EYS: variants seen among roughly 807,000 people sequenced by gnomAD.
EYS encodes the protein EGF-like photoreceptor maintenance factor.
A neutral mutation model predicts 282.1 loss-of-function variants in EYS; 250 were observed. That is an observed-to-expected ratio of 0.89 (90% confidence interval 0.80 to 0.98). The LOEUF (loss-of-function observed/expected upper bound fraction) is 0.98. Ranked by LOEUF, EYS falls within the 50% of genes least tolerant of loss-of-function variation. The pLI is 0.00. For synonymous variants in EYS, 1,355 were observed against 1,282.9 expected (o/e 1.06, Z -1.20); for missense variants, 4,016 against 3,709.0 (o/e 1.08, Z -2.15).
intron 36 of EYS, among the ~76,000 whole-genome samples, chr6:63,830,756 C>T (rs186821174): frequency 6.6e-6 from 1 of 152,266 alleles, no homozygotes; most frequent in Non-Finnish European, 1.5e-5. Context: ...CTCCAAGACA[C>T]ATAATTGTCA....
chr6:65,375,756 C>T (rs547036644), intron 8 of EYS, among the ~76,000 whole-genome samples: 2 of 151,862 alleles, frequency 1.3e-5, no homozygotes, highest in African/African-American at 4.8e-5. Context: ...AGCTGAGTTG[C>T]TCAAGCAGAA....
chr6:63,740,256 G>T (rs569171435), intron 41 of EYS, among the ~76,000 whole-genome samples: 26 of 152,224 alleles, frequency 1.7e-4, no homozygotes, highest in Non-Finnish European at 3.5e-4. Context: ...TCTTTCCTGT[G>T]CTGTTCTGAT....
At chr6:64,408,541 G>C (rs1253408485) in intron 28 of EYS, among the ~76,000 whole-genome samples, 1 of 152,180 alleles carries the variant, frequency 6.6e-6, no homozygotes, top group Non-Finnish European at 1.5e-5. Context: ...CTGGGGTACA[G>C]GGATAGTATA....
intron 29 of EYS, among the ~76,000 whole-genome samples, chr6:64,320,990 C>T (rs1582594152): frequency 6.6e-6 from 1 of 151,780 alleles, no homozygotes; most frequent in East Asian, 1.9e-4. Flanking sequence ...GTACCAAACC[C>T]TTACTATTAC....
chr6:64,516,383 C>T (rs1777560414), intron 26 of EYS, among the ~76,000 whole-genome samples: 1 of 151,674 alleles, frequency 6.6e-6, no homozygotes. Context: ...ATAATCTCTA[C>T]AAAAAACAGC....
At chr6:64,982,748 T>C (rs1446823596) in intron 14 of EYS, among the ~76,000 whole-genome samples, 1 of 151,224 alleles carries the variant, frequency 6.6e-6, no homozygotes, top group Non-Finnish European at 1.5e-5. Context: ...TTGATAGATA[T>C]CAGAAAATAT....
At chr6:64,627,771 A>C (rs2149858145) in intron 22 of EYS, among the ~76,000 whole-genome samples, 1 of 152,266 alleles carries the variant, frequency 6.6e-6, no homozygotes, top group South Asian at 2.1e-4. Flanking sequence ...GACTTTCTTG[A>C]CCAACAAACA....
At chr6:64,830,311 A>G (rs1765177036) in intron 19 of EYS, among the ~76,000 whole-genome samples, 1 of 151,988 alleles carries the variant, frequency 6.6e-6, no homozygotes, top group Non-Finnish European at 1.5e-5. Context: ...GGATTTTGTG[A>G]TAGAAGCTCA....
intron 14 of EYS, among the ~76,000 whole-genome samples, chr6:64,986,725 C>A (rs970500996): frequency 8.8e-6 from 1 of 114,014 alleles, no homozygotes; most frequent in East Asian, 2.9e-4. Flanking sequence ...TATTTCTTCA[C>A]CATTTCATAC....
At chr6:64,817,218 T>C (rs1764763568) in intron 21 of EYS, among the ~76,000 whole-genome samples, 1 of 152,086 alleles carries the variant, frequency 6.6e-6, no homozygotes, top group African/African-American at 2.4e-5. Context: ...TCATTTAATT[T>C]CAAATAAAAA....
intron 26 of EYS, among the ~76,000 whole-genome samples, chr6:64,582,949 T>C (rs1197816067): frequency 6.6e-6 from 1 of 152,130 alleles, no homozygotes; most frequent in African/African-American, 2.4e-5. Flanking sequence ...CAGATACAGT[T>C]GGCCCTGTAG....
chr6:64,675,707 C>T (rs902758425), intron 22 of EYS, among the ~76,000 whole-genome samples: 2 of 151,876 alleles, frequency 1.3e-5, no homozygotes, highest in South Asian at 2.1e-4. Flanking sequence ...GGATTACAGG[C>T]ATGAGCCACC....
At chr6:63,884,928 ATCT>A (rs1485128475) in intron 35 of EYS, among the ~76,000 whole-genome samples, 1 of 152,082 alleles carries the variant, frequency 6.6e-6, no homozygotes, top group African/African-American at 2.4e-5. Context: ...CGCTATCTTA[ATCT>A]TCTTTGCATT....
chr6:65,373,335 A>G (rs1255398299), intron 8 of EYS, among the ~76,000 whole-genome samples: 1 of 152,246 alleles, frequency 6.6e-6, no homozygotes, highest in Non-Finnish European at 1.5e-5. Flanking sequence ...TTTCATGTTA[A>G]ATGCTAAATG....
intron 22 of EYS, among the ~76,000 whole-genome samples, chr6:64,699,745 C>T (rs1770715558): frequency 6.6e-6 from 1 of 152,014 alleles, no homozygotes; most frequent in Non-Finnish European, 1.5e-5. Flanking sequence ...GTCAAATTCA[C>T]AGATGAATTC....
chr6:65,287,614 T>A (rs556039546), intron 12 of EYS, among the ~76,000 whole-genome samples: 1 of 151,316 alleles, frequency 6.6e-6, no homozygotes, highest in Non-Finnish European at 1.5e-5. Flanking sequence ...AGAAACCAAT[T>A]TAGAATTAAA....
intron 1 of EYS, among the ~76,000 whole-genome samples, chr6:65,674,743 A>G (rs1768516906): frequency 6.6e-6 from 1 of 152,056 alleles, no homozygotes; most frequent in Admixed American, 6.6e-5. Context: ...GGAGTCCTTC[A>G]ATTGTAAACA....
rs71002308 is a variant in EYS, at chr6:65,460,074, T to TACACACAC, written c.862+30512_862+30519dup. 1.0e-4 allele frequency among the ~76,000 whole-genome samples: 14 copies of TACACACAC among 135,330 alleles called. No individual in the cohort carries two copies. In the South Asian group the frequency reaches 1.9e-3, roughly 18 times the overall value. 88.8% of individuals were successfully genotyped at this position (135,330 alleles called of 152,430 possible). On this transcript the variant is annotated intron_variant, in intron 5 of 42. Transcript: ENST00000503581. ...ATGTGTGTATATATGTATATATGTA[T>TACACACAC]ACACACACACACACACACACACACA... is the stretch of plus-strand genomic sequence containing the variant.
intron 16 of EYS, among the ~76,000 whole-genome samples, chr6:64,910,569 G>A (rs538197437): frequency 2.8e-4 from 43 of 151,980 alleles, no homozygotes; most frequent in Non-Finnish European, 5.6e-4. Context: ...ATAATTCACT[G>A]TGTTTACCTG....
Sources: gnomAD v4.1 joint callset for allele counts (sites outside exome capture counted in the v4.1 genomes callset) on GRCh38, gnomAD v4.1.1 for gene constraint, MANE v1.5 for transcripts, NCBI Gene and HGNC (gene_info 2026-07-23, HGNC 2026-07-21) for gene names.